The following MAP2K2 variants were observed in gnomAD, a reference collection of about 807,000 sequenced individuals.
MAP2K2 encodes mitogen-activated protein kinase kinase 2.
In MAP2K2, 24 loss-of-function variants were observed where a neutral mutation model predicts 43.7. The ratio of observed to expected loss-of-function variants is 0.55; its 90% CI spans 0.40 to 0.77. The LOEUF (loss-of-function observed/expected upper bound fraction) is 0.77. Ranked by LOEUF, MAP2K2 falls within the 30% of genes least tolerant of loss-of-function variation. The pLI is 0.00. For missense variants in MAP2K2, 470 were observed against 566.8 expected, an observed-to-expected ratio of 0.83 and a Z score of 1.73; for synonymous variants, 244 against 239.7, an observed-to-expected ratio of 1.02 and a Z score of -0.17.
intron 1 of MAP2K2, among the ~76,000 whole-genome samples, chr19:4,120,377 G>A (rs1220556865): frequency 1.3e-5 from 2 of 152,166 alleles, no homozygotes; most frequent in East Asian, 1.9e-4. Context: ...GCACTGGCAC[G>A]ATCTCAGCTC....
chr19:4,123,914 G>C lies in MAP2K2; in HGVS notation c.-39C>G, dbSNP rs2145090244. The C allele has an allele frequency of 1.6e-6, 2 of 1,227,398 alleles. No individual in the cohort carries two copies. Among genetic ancestry groups the C allele is most frequent in the South Asian group, 2.0e-5 (1 of 49,506 alleles). 76.0% of individuals were successfully genotyped at this position (1,227,398 alleles called of 1,614,324 possible). On this transcript the variant is annotated 5_prime_UTR_variant, in exon 1 of 11. Transcript: ENST00000262948. Reference sequence around the variant, plus strand: ...GCCGGCGGCGGCGGCGCCTCTAGCCGGGGCCCATAGGGGGCGGGCCGGGAG... The same window carrying C: ...GCCGGCGGCGGCGGCGCCTCTAGCCCGGGCCCATAGGGGGCGGGCCGGGAG...
At chr19:4,096,709 C>T (rs917361377) in intron 8 of MAP2K2, among the ~76,000 whole-genome samples, 1 of 152,168 alleles carries the variant, frequency 6.6e-6, no homozygotes, top group Admixed American at 6.5e-5. Context: ...ATTTATGAGT[C>T]CACGCCCACG....
chr19:4,097,349 C>G lies in MAP2K2; in HGVS notation c.920-6G>C. 6.2e-7 allele frequency: 1 copy of G among 1,610,894 alleles called. No individual in the cohort carries two copies. The highest frequency in any genetic ancestry group is 8.5e-7 in the Non-Finnish European group (1 of 1,178,200). ...CCGGCTATCCATCCCGTGACCTGCA[C>G]AGGGAGAGAGATGGAGGTGAGATGG... On this transcript the variant is annotated splice_region_variant and splice_polypyrimidine_tract_variant and intron_variant, in intron 7 of 10. Transcript: ENST00000262948.
Position 4,110,503 on chromosome 19 carries a change from A to G in MAP2K2, c.450+6T>C, listed in dbSNP as rs758138748. On this transcript the variant is annotated splice_donor_region_variant and intron_variant, in intron 3 of 10. Transcript: ENST00000262948. ...CTGCCCCTGCCCCTGCCCCGGACGC[A>G]CTCACCATGTGTTCCATGCAAATGC... 1.2e-6 allele frequency: 2 copies of G among 1,613,096 alleles called. No individual in the cohort carries two copies. The highest frequency in any genetic ancestry group is 1.7e-6 in the Non-Finnish European group (2 of 1,179,998).
At position 4,110,650 on chromosome 19, in the gene MAP2K2, G is replaced by T. The variant is rs1489237948; in HGVS notation, c.309C>A (p.Ile103=). 1 of 1,612,372 alleles carries T rather than the reference G, an allele frequency of 6.2e-7. No homozygotes were observed. The change falls in exon 3 of 11, where the codon ATC becomes ATA. Residue 103 remains isoleucine, a synonymous_variant. Transcript: ENST00000262948. The part of the protein sequence containing the change: ...PSGLIMARKL[I]HLEIKPAIRN... ...GGATGGCCGGCTTGATCTCAAGGTGGATCAGCTGCAAGGGGAGAGGGGCGA... is the reference window on the plus strand; with the variant it reads ...GGATGGCCGGCTTGATCTCAAGGTGTATCAGCTGCAAGGGGAGAGGGGCGA...
chr19:4,107,176 G>A (rs1028402262), intron 3 of MAP2K2, among the ~76,000 whole-genome samples: 1 of 151,996 alleles, frequency 6.6e-6, no homozygotes, highest in Admixed American at 6.6e-5. Context: ...CGGGAGAATC[G>A]TTTGAGCCCA....
chr19:4,090,322 T>G lies in MAP2K2; in HGVS notation c.*276A>C. 1.8e-6 allele frequency: 1 copy of G among 569,644 alleles called. No homozygotes were observed. The allele number at this position is 569,644 out of a possible 1,614,324, so 35.3% of individuals were successfully genotyped here. A position where few individuals can be genotyped will look rare whatever the true frequency, so the allele number is the denominator to read the frequency against. On this transcript the variant is annotated 3_prime_UTR_variant, in exon 11 of 11. Coordinates refer to ENST00000262948, the MANE Select transcript of MAP2K2 (RefSeq NM_030662.4). ...GAAGAAAGAAGCAGGATGGCGCGGT[T>G]TGCTTTTTCTCTCCCTGTTTTGTTT...
chr19:4,109,953 G>A (rs1241910757), intron 3 of MAP2K2, among the ~76,000 whole-genome samples: 1 of 152,062 alleles, frequency 6.6e-6, no homozygotes, highest in African/African-American at 2.4e-5. Context: ...TCATAAGGAC[G>A]CCCGGGATAC....
At chr19:4,098,456 G>A (rs1321370724) in intron 7 of MAP2K2, among the ~76,000 whole-genome samples, 3 of 152,138 alleles carry the variant, frequency 2.0e-5, no homozygotes, top group Non-Finnish European at 4.4e-5. Context: ...ACCACAGTCC[G>A]CTACAGGGTC....
rs751442889 is a variant in MAP2K2, at chr19:4,117,638, A to AC, written c.93-10dup. ...GGTCCACCAGGTTTGCCCTGCAGAGACCCCCCAGGGTAGGGGTTAGCTACC... is the reference window on the plus strand; with the variant it reads ...GGTCCACCAGGTTTGCCCTGCAGAGACCCCCCCAGGGTAGGGGTTAGCTACC... On this transcript the variant is annotated splice_polypyrimidine_tract_variant and intron_variant, in intron 1 of 10. Transcript: ENST00000262948. The AC allele has an allele frequency of 5.0e-6, 8 of 1,612,394 alleles. No homozygotes were observed. Among genetic ancestry groups the AC allele is most frequent in the Middle Eastern group, 1.6e-4 (1 of 6,080 alleles).
At chr19:4,120,951 C>T (rs1430461928) in intron 1 of MAP2K2, among the ~76,000 whole-genome samples, 1 of 152,050 alleles carries the variant, frequency 6.6e-6, no homozygotes, top group Admixed American at 6.6e-5. Context: ...CACAGAAGGC[C>T]GACCCCCAAG....
Position 4,123,018 on chromosome 19 carries a change from C to A in MAP2K2, c.92+766G>T, listed in dbSNP as rs549998214. Reference sequence around the variant, plus strand: ...CTGCCTGACCTCCCCACACCCCATCCTCTCCTCTCAGGAATGCCCTGCACC... The same window carrying A: ...CTGCCTGACCTCCCCACACCCCATCATCTCCTCTCAGGAATGCCCTGCACC... On this transcript the variant is annotated intron_variant, in intron 1 of 10. Coordinates refer to ENST00000262948, the MANE Select transcript of MAP2K2 (RefSeq NM_030662.4). Among the ~76,000 whole-genome samples the A allele has an allele frequency of 5.5e-5, 8 of 146,636 alleles. No individual in the cohort carries two copies. In the South Asian group the frequency reaches 1.5e-3, roughly 28 times the overall value.
At chr19:4,111,147 T>TGACTGCTGATGTGGAC (rs2041149314) in intron 2 of MAP2K2, among the ~76,000 whole-genome samples, 1 of 151,648 alleles carries the variant, frequency 6.6e-6, no homozygotes, top group Non-Finnish European at 1.5e-5. Context: ...GGGATGGGGG[T>TGACTGCTGATGTGGAC]GACTGCTGAT....
At position 4,115,612 on chromosome 19, in the gene MAP2K2, C is replaced by T. The variant is rs996383934; in HGVS notation, c.303+1807G>A. The stretch of plus-strand genomic sequence containing the variant: ...TACGGGGACAGAAATAGCAAGTCCG[C>T]GGCTGCACACTTCAGGAGGGAGGGA... On this transcript the variant is annotated intron_variant, in intron 2 of 10. Coordinates refer to ENST00000262948, the MANE Select transcript of MAP2K2 (RefSeq NM_030662.4). The surrounding 1 kb of genome is among the most constrained non-coding windows in gnomAD (Gnocchi z 4.1). 5.3e-5 allele frequency among the ~76,000 whole-genome samples: 8 copies of T among 152,166 alleles called. No individual in the cohort carries two copies. The highest frequency in any genetic ancestry group is 1.2e-4 in the Non-Finnish European group (8 of 68,028).
At chr19:4,113,509 T>G (rs2041181818) in intron 2 of MAP2K2, among the ~76,000 whole-genome samples, 1 of 151,986 alleles carries the variant, frequency 6.6e-6, no homozygotes, top group African/African-American at 2.4e-5. Flanking sequence ...ACTGCCCCAC[T>G]GGTGCTGACT....
At chr19:4,117,376 C>G in intron 2 of MAP2K2, 43 bp downstream of exon 2, 3 of 1,579,508 alleles carry the variant, frequency 1.9e-6, no homozygotes, top group Middle Eastern at 2.3e-4. Flanking sequence ...CCAGGGGGAC[C>G]TTCCCCACCA....
chr19:4,101,949 C>G lies in MAP2K2; in HGVS notation c.528+427G>C, dbSNP rs527586212. 2.0e-5 allele frequency among the ~76,000 whole-genome samples: 3 copies of G among 152,142 alleles called. No individual in the cohort carries two copies. The highest frequency in any genetic ancestry group is 1.3e-4 in the Admixed American group (2 of 15,264). On this transcript the variant is annotated intron_variant, in intron 4 of 10. Coordinates refer to ENST00000262948, the MANE Select transcript of MAP2K2 (RefSeq NM_030662.4). The surrounding 1 kb of genome is among the most constrained non-coding windows in gnomAD (Gnocchi z 6.3). Reference sequence around the variant, plus strand: ...TCTACGGAGCAGCTGTGCTGGAGACCGGGCAGCAGAGACGCCCTTGGCCCC... The same window carrying G: ...TCTACGGAGCAGCTGTGCTGGAGACGGGGCAGCAGAGACGCCCTTGGCCCC...
At chr19:4,100,365 G>C (rs2040986454) in intron 6 of MAP2K2, 1 of 140,568 alleles carries the variant, frequency 7.1e-6, no homozygotes, top group Non-Finnish European at 1.5e-5. Context: ...GGGAGGCGGA[G>C]GTTGCAATGA....
intron 9 of MAP2K2, 169 bp from the exon 10 acceptor site, chr19:4,094,667 G>A: frequency 1.5e-6 from 1 of 661,658 alleles, no homozygotes; most frequent in South Asian, 1.7e-5. Flanking sequence ...CCTGGCAGAG[G>A]ACGAGGGATC....
Sources: gnomAD v4.1 joint callset for allele counts (sites outside exome capture counted in the v4.1 genomes callset) on GRCh38, gnomAD v4.1.1 for gene constraint, Gnocchi (gnomAD v3.1) non-coding constraint, MANE v1.5 for transcripts, NCBI Gene and HGNC (gene_info 2026-07-23, HGNC 2026-07-21) for gene names.